TUSC3: variants seen among roughly 807,000 people sequenced by gnomAD.
The protein encoded by TUSC3 is dolichyl-diphosphooligosaccharide--protein glycosyltransferase subunit TUSC3.
A neutral mutation model predicts 44.8 loss-of-function variants in TUSC3; 45 were observed. That is an observed-to-expected ratio of 1.00 (90% CI 0.79 to 1.29). The LOEUF (loss-of-function observed/expected upper bound fraction) is 1.29. TUSC3 is among the 50% of genes most tolerant of loss of function. TUSC3 has a pLI of 0.00. For missense variants in TUSC3, 519 were observed against 437.9 expected, an observed-to-expected ratio of 1.19 and a Z score of -1.65; for synonymous variants, 212 against 152.9, an observed-to-expected ratio of 1.39 and a Z score of -2.85.
intron 2 of TUSC3, among the ~76,000 whole-genome samples, chr8:15,486,043 C>G (rs1800728815): frequency 1.3e-5 from 2 of 152,128 alleles, no homozygotes; most frequent in Admixed American, 6.5e-5. Flanking sequence ...ATCCATCCAC[C>G]TTGGCCTCCC....
chr8:15,532,500 G>C (rs997827525), intron 2 of TUSC3, among the ~76,000 whole-genome samples: 1 of 152,076 alleles, frequency 6.6e-6, no homozygotes, highest in African/African-American at 2.4e-5. Flanking sequence ...TTCTGAAGAC[G>C]GTCTGGGATC....
chr8:15,658,661 A>C (rs957785397), intron 3 of TUSC3, among the ~76,000 whole-genome samples: 103 of 111,502 alleles, frequency 9.2e-4, no homozygotes, highest in African/African-American at 1.8e-3. Flanking sequence ...CACACACACA[A>C]ATACAATATA....
chr8:15,696,831 C>T (rs766707492), intron 6 of TUSC3, among the ~76,000 whole-genome samples: 2 of 152,144 alleles, frequency 1.3e-5, no homozygotes, highest in Non-Finnish European at 2.9e-5. Context: ...AGGGTTCCTT[C>T]TTTCTCTGTC....
At chr8:15,518,407 G>C (rs1801250738) in intron 2 of TUSC3, among the ~76,000 whole-genome samples, 1 of 151,908 alleles carries the variant, frequency 6.6e-6, no homozygotes, top group South Asian at 2.1e-4. Flanking sequence ...AAAAATAGTA[G>C]GAAAAATAGA....
chr8:15,462,193 C>G (rs1281186459), intron 1 of TUSC3, among the ~76,000 whole-genome samples: 3 of 152,082 alleles, frequency 2.0e-5, no homozygotes, highest in Non-Finnish European at 4.4e-5. Flanking sequence ...AAGCCTACTT[C>G]TGAGCACTTT....
intron 2 of TUSC3, among the ~76,000 whole-genome samples, chr8:15,499,187 CTCTT>C: frequency 6.6e-6 from 1 of 152,282 alleles, no homozygotes; most frequent in South Asian, 2.1e-4. Context: ...GCCTCTCTCT[CTCTT>C]TCTATGTTTT....
At chr8:15,490,088 T>C (rs1210518455) in intron 2 of TUSC3, among the ~76,000 whole-genome samples, 1 of 152,218 alleles carries the variant, frequency 6.6e-6, no homozygotes, top group Admixed American at 6.5e-5. Context: ...AGAAGGAATT[T>C]GTTAGAATTT....
At chr8:15,430,130 G>C (rs1421752482) in intron 1 of TUSC3, among the ~76,000 whole-genome samples, 1 of 149,690 alleles carries the variant, frequency 6.7e-6, no homozygotes, top group Non-Finnish European at 1.5e-5. Flanking sequence ...CATTTTATGA[G>C]GCCAGCATCA....
Position 15,657,690 on chromosome 8 carries a change from G to C in TUSC3, c.427-1817G>C, listed in dbSNP as rs1232645432. Among the ~76,000 whole-genome samples the C allele has an allele frequency of 2.0e-5, 3 of 152,124 alleles. No homozygotes were observed. The South Asian group carries it at 6.2e-4, about 32-fold the overall frequency. On this transcript the variant is annotated intron_variant, in intron 3 of 10. Coordinates refer to ENST00000503731, the MANE Select transcript of TUSC3 (RefSeq NM_006765.4). ...AGGCTTTTTCTAGTATGCTCTTCCA[G>C]ATTCTTTCAGTCTCTACCCATTATC... is the stretch of plus-strand genomic sequence containing the variant.
intron 1 of TUSC3, among the ~76,000 whole-genome samples, chr8:15,617,766 TAA>T (rs1218041988): frequency 3.3e-5 from 5 of 152,346 alleles, no homozygotes; most frequent in East Asian, 1.9e-4. Flanking sequence ...GTTCAGTTGT[TAA>T]AGTTTGGTTT....
At chr8:15,606,705 A>G (rs1489968070) in intron 1 of TUSC3, among the ~76,000 whole-genome samples, 1 of 152,090 alleles carries the variant, frequency 6.6e-6, no homozygotes, top group Non-Finnish European at 1.5e-5. Context: ...GCTTCAGTGA[A>G]TATCCTTTTA....
chr8:15,743,671 C>A, intron 8 of TUSC3, 59 bp downstream of exon 8: 2 of 1,554,024 alleles, frequency 1.3e-6, no homozygotes, highest in South Asian at 2.2e-5. Flanking sequence ...TCATTTAAGT[C>A]AAATGGGAAA....
At chr8:15,780,649 C>T in the TUSC3 span, among the ~76,000 whole-genome samples, 1 of 152,282 alleles carries the variant, frequency 6.6e-6, no homozygotes, top group Non-Finnish European at 1.5e-5. Context: ...CCTTAGACTT[C>T]CAGCAGCCCG....
intron 2 of TUSC3, among the ~76,000 whole-genome samples, chr8:15,488,724 G>A (rs1008062757): frequency 6.6e-6 from 1 of 152,166 alleles, no homozygotes; most frequent in Non-Finnish European, 1.5e-5. Context: ...TCTCCCATAT[G>A]AAGATGTGGC....
chr8:15,428,748 T>G (rs1473580820), intron 1 of TUSC3, among the ~76,000 whole-genome samples: 2 of 152,188 alleles, frequency 1.3e-5, no homozygotes, highest in Admixed American at 6.5e-5. Context: ...TCATGTGTCT[T>G]TTGGCTGCAT....
intron 6 of TUSC3, among the ~76,000 whole-genome samples, chr8:15,712,750 C>T (rs973875773): frequency 5.9e-5 from 9 of 152,050 alleles, no homozygotes; most frequent in Admixed American, 1.3e-4. Flanking sequence ...AGTGTTTGCT[C>T]CTAAAGTTTC....
chr8:15,497,595 G>A (rs554902105), intron 2 of TUSC3, among the ~76,000 whole-genome samples: 25 of 152,174 alleles, frequency 1.6e-4, no homozygotes, highest in Non-Finnish European at 3.2e-4. Flanking sequence ...GGAATGAGAG[G>A]AGAGGATTTA....
At chr8:15,711,043 C>G (rs1040393520) in intron 6 of TUSC3, among the ~76,000 whole-genome samples, 3 of 151,628 alleles carry the variant, frequency 2.0e-5, no homozygotes, top group African/African-American at 7.3e-5. Flanking sequence ...AACTTCTCAT[C>G]TAAATTCAGG....
In TUSC3 at chr8:15,764,265, C is replaced by A; in HGVS notation, c.*109C>A. The A allele has an allele frequency of 1.3e-6, 2 of 1,576,798 alleles. No individual in the cohort carries two copies. The highest frequency in any genetic ancestry group is 1.7e-6 in the Non-Finnish European group (2 of 1,148,706). ...AGTGAATGTTTACCATGAAGATAAA[C>A]TGTTCCTGACTTTATACTATTTTGA... is the stretch of plus-strand genomic sequence containing the variant. On this transcript the variant is annotated 3_prime_UTR_variant, in exon 11 of 11. Transcript: ENST00000503731.
Sources: allele counts gnomAD v4.1 joint callset (sites outside exome capture counted in the v4.1 genomes callset), GRCh38; gene constraint gnomAD v4.1.1; transcripts MANE v1.5; gene names NCBI Gene and HGNC (gene_info 2026-07-23, HGNC 2026-07-21).